Variants in ZC3H12B observed in about 807,000 individuals in gnomAD.
The protein encoded by ZC3H12B is zinc finger CCCH-type containing 12B.
In ZC3H12B, 7 loss-of-function variants were observed where a neutral mutation model predicts 43.9. That is an observed-to-expected ratio of 0.16 (90% confidence interval 0.09 to 0.30). The LOEUF (loss-of-function observed/expected upper bound fraction) is 0.30, where lower values mean the gene tolerates loss of function less well. ZC3H12B is among the 10% of genes least tolerant of loss of function. ZC3H12B has a pLI of 1.00. For synonymous variants in ZC3H12B, 222 were observed against 241.7 expected (o/e 0.92, Z 0.76); for missense variants, 475 against 670.2 (o/e 0.71, Z 3.22).
the ZC3H12B span, among the ~76,000 whole-genome samples, chrX:65,080,234 T>A: frequency 1.0e-5 from 1 of 99,377 alleles, no homozygotes; most frequent in Non-Finnish European, 2.0e-5. Flanking sequence ...CTAGAAAATA[T>A]CCTCAGAGGG....
At chrX:65,378,140 T>C (rs1368673112) in intron 2 of ZC3H12B, among the ~76,000 whole-genome samples, 1 of 110,623 alleles carries the variant, frequency 9.0e-6, no homozygotes, top group Non-Finnish European at 1.9e-5. Flanking sequence ...TACTCACTGA[T>C]AATAATAAGC....
the ZC3H12B span, among the ~76,000 whole-genome samples, chrX:65,202,214 T>A: frequency 1.3e-5 from 1 of 79,153 alleles, no homozygotes; most frequent in East Asian, 3.5e-4. Flanking sequence ...AATATTACAG[T>A]CTTGGGTATG....
the ZC3H12B span, among the ~76,000 whole-genome samples, chrX:65,274,702 AACAGCCCC>A: frequency 1.8e-5 from 2 of 109,889 alleles, no homozygotes; most frequent in African/African-American, 6.6e-5. Context: ...GAACCTGATA[AACAGCCCC>A]ACAGCCCCAC....
chrX:65,154,816 C>A, the ZC3H12B span, among the ~76,000 whole-genome samples: 1 of 111,452 alleles, frequency 9.0e-6, no homozygotes, highest in Non-Finnish European at 1.9e-5. Context: ...GCACTCCATC[C>A]TGGGCAACAG....
the ZC3H12B span, among the ~76,000 whole-genome samples, chrX:65,053,214 C>T: frequency 4.5e-5 from 5 of 110,480 alleles, no homozygotes; most frequent in East Asian, 5.7e-4. Flanking sequence ...CCCATTAACT[C>T]GCTATTTACA....
chrX:65,250,637 C>T, the ZC3H12B span, among the ~76,000 whole-genome samples: 2 of 111,740 alleles, frequency 1.8e-5, no homozygotes, highest in African/African-American at 6.5e-5. Context: ...TTCTAACTGG[C>T]ATGAGATGGT....
chrX:65,275,602 G>A, the ZC3H12B span, among the ~76,000 whole-genome samples: 1 of 112,813 alleles, frequency 8.9e-6, no homozygotes, highest in Admixed American at 9.3e-5. Context: ...TTGAATTACA[G>A]CTGAAGAAAT....
chrX:65,500,687 T>C (rs1362143858), intron 4 of ZC3H12B, among the ~76,000 whole-genome samples: 1 of 110,703 alleles, frequency 9.0e-6, no homozygotes, highest in East Asian at 2.8e-4. Context: ...CCTCGGCCTC[T>C]GAAAGTGCTG....
At chrX:65,459,073 A>G (rs2067686249) in intron 3 of ZC3H12B, among the ~76,000 whole-genome samples, 1 of 112,138 alleles carries the variant, frequency 8.9e-6, no homozygotes, top group South Asian at 3.7e-4. Flanking sequence ...AGAGAATACT[A>G]TAAACACCTC....
chrX:65,301,648 C>T, the ZC3H12B span, among the ~76,000 whole-genome samples: 1 of 110,963 alleles, frequency 9.0e-6, no homozygotes, highest in Non-Finnish European at 1.9e-5. Context: ...TAAGTGGGAG[C>T]TAAGCTATGA....
intron 3 of ZC3H12B, among the ~76,000 whole-genome samples, chrX:65,433,453 G>A (rs747701500): frequency 2.7e-4 from 30 of 111,751 alleles, no homozygotes; most frequent in African/African-American, 9.7e-4. Flanking sequence ...ACTAATGTGG[G>A]GATTCTGCTA....
chrX:65,442,205 A>G (rs2067310517), intron 3 of ZC3H12B, among the ~76,000 whole-genome samples: 1 of 109,625 alleles, frequency 9.1e-6, no homozygotes, highest in African/African-American at 3.3e-5. Flanking sequence ...AGGCCTTGAT[A>G]TAATCAACTA....
chrX:65,062,565 T>C, the ZC3H12B span, among the ~76,000 whole-genome samples: 1 of 112,038 alleles, frequency 8.9e-6, no homozygotes, highest in Non-Finnish European at 1.9e-5. Context: ...TACTGTAGCC[T>C]TGTAGTATAG....
chrX:65,131,128 GA>G, the ZC3H12B span, among the ~76,000 whole-genome samples: 1 of 111,797 alleles, frequency 8.9e-6, no homozygotes. Context: ...TAAGAGTGTG[GA>G]CTCGAGTTAA....
At chrX:65,194,358 A>G in the ZC3H12B span, among the ~76,000 whole-genome samples, 2 of 109,379 alleles carry the variant, frequency 1.8e-5, no homozygotes, top group African/African-American at 6.6e-5. Flanking sequence ...ACTAACCTGC[A>G]CATTGTGCAC....
At chrX:65,040,614 C>T in the ZC3H12B span, among the ~76,000 whole-genome samples, 4 of 110,146 alleles carry the variant, frequency 3.6e-5, no homozygotes, top group African/African-American at 6.6e-5. Flanking sequence ...GCAGTTTTTA[C>T]GGTTTTCTTG....
rs2067612989 is a variant in ZC3H12B at position 65,456,446 on chromosome X, C to T, written n.408-32200C>T. Among the ~76,000 whole-genome samples, 2 of 48,928 alleles carry T rather than the reference C, an allele frequency of 4.1e-5. 1 individual carries two copies. Among genetic ancestry groups the T allele is most frequent in the African/African-American group, 2.0e-4 (2 of 10,004 alleles). 42.5% of individuals were successfully genotyped at this position (48,928 alleles called of 115,157 possible). ...CCCTCTCCCTCTCCCTCTCCCTCTC[C>T]CTGTCTCCACAGTCTCCTTCCATGG... is the stretch of plus-strand genomic sequence containing the variant. On this transcript the variant is annotated intron_variant and non_coding_transcript_variant, in intron 3 of 5. Transcript: ENST00000617377.
At chrX:65,289,342 A>G in the ZC3H12B span, among the ~76,000 whole-genome samples, 1 of 110,345 alleles carries the variant, frequency 9.1e-6, no homozygotes, top group Non-Finnish European at 1.9e-5. Flanking sequence ...ACCTGAAAAT[A>G]TATTACAGGT....
chrX:65,094,687 A>C, the ZC3H12B span, among the ~76,000 whole-genome samples: 2 of 112,684 alleles, frequency 1.8e-5, no homozygotes, highest in South Asian at 3.6e-4. Flanking sequence ...TCACAGTAAA[A>C]TTAAAAAGTC....
Sources: allele counts gnomAD v4.1 joint callset (sites outside exome capture counted in the v4.1 genomes callset), GRCh38; gene constraint gnomAD v4.1.1; transcripts MANE v1.5; gene names NCBI Gene and HGNC (gene_info 2026-07-23, HGNC 2026-07-21).